TMCC3: variants seen among roughly 807,000 people sequenced by gnomAD.
The protein encoded by TMCC3 is transmembrane and coiled-coil domain protein 3.
TMCC3 carries 28 observed loss-of-function variants against 40.2 expected under a neutral mutation model. The observed-to-expected ratio is 0.70, with a 90% CI of 0.52 to 0.95. TMCC3 has a LOEUF of 0.95. TMCC3 is among the 40% of genes least tolerant of loss of function. TMCC3 has a pLI of 0.00. For synonymous variants in TMCC3, 255 were observed against 248.5 expected, an observed-to-expected ratio of 1.03 and a Z score of -0.25; for missense variants, 554 against 615.2, an observed-to-expected ratio of 0.90 and a Z score of 1.05.
intron 1 of TMCC3, among the ~76,000 whole-genome samples, chr12:94,625,014 C>T (rs2068895950): frequency 6.6e-6 from 1 of 151,616 alleles, no homozygotes; most frequent in Non-Finnish European, 1.5e-5. Context: ...TGGTGACACA[C>T]CCCTCCCTCC....
At chr12:94,610,258 G>A (rs1261352463) in intron 1 of TMCC3, among the ~76,000 whole-genome samples, 6 of 152,008 alleles carry the variant, frequency 3.9e-5, no homozygotes, top group South Asian at 2.1e-4. Context: ...AAAGGGAATC[G>A]GAACCTTCTT....
intron 1 of TMCC3, among the ~76,000 whole-genome samples, chr12:94,601,530 A>G (rs758039494): frequency 1.3e-5 from 2 of 151,886 alleles, no homozygotes; most frequent in East Asian, 3.9e-4. Flanking sequence ...GTGTCTCAAA[A>G]AACAAAAAAG....
intron 1 of TMCC3, among the ~76,000 whole-genome samples, chr12:94,587,361 A>G (rs1344925701): frequency 3.3e-5 from 5 of 152,166 alleles, no homozygotes. Flanking sequence ...ACAATTCAGA[A>G]CTAATACTGC....
chr12:94,597,124 CATATATAT>C (rs869220054), intron 1 of TMCC3, among the ~76,000 whole-genome samples: 3 of 29,836 alleles, frequency 1.0e-4, no homozygotes, highest in African/African-American at 3.0e-4. Context: ...TATTAAAATA[CATATATAT>C]ATATATATAT....
chr12:94,598,576 G>T (rs565217258), intron 1 of TMCC3: 8 of 985,212 alleles, frequency 8.1e-6, no homozygotes, highest in African/African-American at 5.2e-5. Flanking sequence ...AAAAAATGTG[G>T]GTTACTTCTG....
At chr12:94,602,894 G>A (rs979042802) in intron 1 of TMCC3, among the ~76,000 whole-genome samples, 7 of 152,106 alleles carry the variant, frequency 4.6e-5, no homozygotes, top group Non-Finnish European at 7.4e-5. Flanking sequence ...ATTAACCTTA[G>A]GTCCTCGTAA....
chr12:94,585,492 C>T (rs1260659390), intron 1 of TMCC3, among the ~76,000 whole-genome samples: 2 of 151,894 alleles, frequency 1.3e-5, no homozygotes, highest in African/African-American at 2.4e-5. Context: ...GTCAGGAGAT[C>T]GAGACCATCC....
chr12:94,594,620 G>T (rs2068704427), intron 1 of TMCC3, among the ~76,000 whole-genome samples: 1 of 152,154 alleles, frequency 6.6e-6, no homozygotes, highest in African/African-American at 2.4e-5. Flanking sequence ...AGCAAGGAAG[G>T]GGATGTGGGA....
chr12:94,627,587 T>A lies in TMCC3; in HGVS notation c.78+22766A>T, dbSNP rs538019182. 3.9e-5 allele frequency among the ~76,000 whole-genome samples: 6 copies of A among 152,340 alleles called. No individual in the cohort carries two copies. In the South Asian group the frequency reaches 8.3e-4, roughly 21 times the overall value. ...TGCCCCAGCCACACAGCCTCCTTGCTGTGCCTCAAACACAACAGGCACACT... is the reference window on the plus strand; with the variant it reads ...TGCCCCAGCCACACAGCCTCCTTGCAGTGCCTCAAACACAACAGGCACACT... On this transcript the variant is annotated intron_variant, in intron 1 of 3. Coordinates refer to ENST00000261226, the MANE Select transcript of TMCC3 (RefSeq NM_020698.4).
chr12:94,613,161 AG>A (rs1357059733), intron 1 of TMCC3, among the ~76,000 whole-genome samples: 1 of 152,132 alleles, frequency 6.6e-6, no homozygotes, highest in African/African-American at 2.4e-5. Context: ...GAAATAAACC[AG>A]AACTACAAGA....
intron 1 of TMCC3, among the ~76,000 whole-genome samples, chr12:94,614,410 C>A (rs1336115387): frequency 6.6e-6 from 1 of 152,044 alleles, no homozygotes; most frequent in Non-Finnish European, 1.5e-5. Context: ...CACAAGTAAT[C>A]CCCCTGGAAG....
At chr12:94,571,847 G>A in intron 3 of TMCC3, 110 bp from the exon 4 acceptor site, 3 of 1,130,220 alleles carry the variant, frequency 2.7e-6, no homozygotes, top group Non-Finnish European at 3.8e-6. Context: ...CCAATGCCCA[G>A]GCGGCTGCAA....
chr12:94,649,184 G>A (rs2069038020), intron 1 of TMCC3, among the ~76,000 whole-genome samples: 1 of 152,158 alleles, frequency 6.6e-6, no homozygotes, highest in African/African-American at 2.4e-5. Flanking sequence ...GATGCTAAAG[G>A]AAAAAGGGAA....
intron 1 of TMCC3, among the ~76,000 whole-genome samples, chr12:94,605,773 C>A (rs1243116358): frequency 2.6e-5 from 4 of 152,162 alleles, no homozygotes; most frequent in Non-Finnish European, 5.9e-5. Context: ...TTAAAGATGA[C>A]TTTCCTGAAG....
In TMCC3 at chr12:94,575,689, A is replaced by G. The variant is rs184261590; in HGVS notation, c.1131+2705T>C. Among the ~76,000 whole-genome samples, 981 of 152,316 alleles carry G rather than the reference A, an allele frequency of 6.4e-3. 8 individuals are homozygous for G. The highest frequency in any genetic ancestry group is 0.027 in the Middle Eastern group (8 of 294). ...ACACAGAAGAACAATATTAACCCAA[A>G]CTATCCCCTAAATAAGAAAACCATG... On this transcript the variant is annotated intron_variant, in intron 3 of 3. Transcript: ENST00000261226.
chr12:94,571,849 C>A (rs776809692), intron 3 of TMCC3, 112 bp from the exon 4 acceptor site: 1 of 1,101,474 alleles, frequency 9.1e-7, no homozygotes, highest in Non-Finnish European at 1.3e-6. Flanking sequence ...AATGCCCAGG[C>A]GGCTGCAAAT....
rs1271052785 is a variant in TMCC3, at chr12:94,581,770, T to C, written c.847A>G (p.Ser283Gly). The change falls in exon 2 of 4, where the codon AGC becomes GGC. Residue 283 changes from serine (S) to glycine (G), a missense_variant. Coordinates refer to ENST00000261226, the MANE Select transcript of TMCC3 (RefSeq NM_020698.4). ...FGAGGASTLDSQGKLAVILEE... is the reference protein window; with the variant it reads ...FGAGGASTLDGQGKLAVILEE... ...AGGATCACGGCGAGCTTGCCCTGGC[T>C]GTCCAGTGTGCTGGCTCCACCAGCC... The C allele has an allele frequency of 1.2e-6, 2 of 1,614,214 alleles. No individual in the cohort carries two copies. The highest frequency in any genetic ancestry group is 1.7e-6 in the Non-Finnish European group (2 of 1,180,020).
intron 1 of TMCC3, among the ~76,000 whole-genome samples, chr12:94,600,033 G>T (rs2138848407): frequency 6.6e-6 from 1 of 152,198 alleles, no homozygotes; most frequent in East Asian, 1.9e-4. Flanking sequence ...CTAAAAAAAG[G>T]AGTGGTGGTG....
chr12:94,643,242 AC>A (rs2069000823), intron 1 of TMCC3, among the ~76,000 whole-genome samples: 1 of 152,104 alleles, frequency 6.6e-6, no homozygotes, highest in African/African-American at 2.4e-5. Context: ...GGCACTCTTA[AC>A]CACTCCAGTG....
Sources: allele counts gnomAD v4.1 joint callset (sites outside exome capture counted in the v4.1 genomes callset), GRCh38; gene constraint gnomAD v4.1.1; transcripts MANE v1.5; gene names NCBI Gene and HGNC (gene_info 2026-07-23, HGNC 2026-07-21).